Variants in MROH9 observed in about 807,000 individuals in gnomAD.
MROH9 encodes maestro heat-like repeat-containing protein family member 9.
Under a neutral mutation model 98.2 loss-of-function variants are expected in MROH9, and 92 were observed. The observed-to-expected ratio is 0.94, with a 90% CI of 0.79 to 1.11. The LOEUF (loss-of-function observed/expected upper bound fraction) is 1.11. MROH9 is among the 50% of genes most tolerant of loss of function. The probability of loss-of-function intolerance (pLI) is 0.00; values close to 1 mark genes in which losing one functional copy is unlikely to be tolerated. For missense variants in MROH9, 1,057 were observed against 1,014.8 expected (o/e 1.04, Z -0.57); for synonymous variants, 397 against 368.9 (o/e 1.08, Z -0.87).
intron 1 of MROH9, among the ~76,000 whole-genome samples, chr1:170,935,928 G>A (rs941754402): frequency 1.4e-5 from 2 of 141,556 alleles, no homozygotes; most frequent in Non-Finnish European, 3.0e-5. Flanking sequence ...GGAGGTGGAG[G>A]TTGCAGTGAG....
chr1:170,995,611 T>G (rs1651538426), intron 13 of MROH9, 80 bp downstream of exon 13: 2 of 1,495,714 alleles, frequency 1.3e-6, no homozygotes, highest in East Asian at 2.3e-5. Flanking sequence ...TGGGTTCATA[T>G]GGGATTCTTT....
At chr1:170,952,530 C>A (rs1172802849) in intron 3 of MROH9, among the ~76,000 whole-genome samples, 1 of 143,656 alleles carries the variant, frequency 7.0e-6, no homozygotes, top group Admixed American at 7.5e-5. Context: ...TGTTCTCACT[C>A]ATAGGTGGGA....
intron 20 of MROH9, among the ~76,000 whole-genome samples, chr1:171,044,993 T>TGAGA (rs1354202458): frequency 1.2e-4 from 6 of 49,574 alleles, no homozygotes; most frequent in African/African-American, 3.7e-4. Context: ...TTTTTTTTTT[T>TGAGA]TTTTTTTTTT....
chr1:171,021,141 C>T (rs1652503662), intron 17 of MROH9, among the ~76,000 whole-genome samples: 1 of 152,166 alleles, frequency 6.6e-6, no homozygotes, highest in South Asian at 2.1e-4. Flanking sequence ...ACATTCAATC[C>T]TCATGGATAA....
At chr1:171,050,831 G>C (rs901548590) in intron 20 of MROH9, among the ~76,000 whole-genome samples, 1 of 152,110 alleles carries the variant, frequency 6.6e-6, no homozygotes, top group African/African-American at 2.4e-5. Context: ...ATTATTTTGA[G>C]GTATGTTCCT....
intron 20 of MROH9, among the ~76,000 whole-genome samples, chr1:171,028,062 T>C (rs2101845739): frequency 6.6e-6 from 1 of 152,294 alleles, no homozygotes; most frequent in South Asian, 2.1e-4. Flanking sequence ...CAATTTTGGC[T>C]TTTGTTGCAA....
chr1:171,012,385 C>G (rs548283538), intron 15 of MROH9, among the ~76,000 whole-genome samples: 213 of 152,202 alleles, frequency 1.4e-3, no homozygotes, highest in African/African-American at 4.6e-3. Context: ...CCTCCTCTCT[C>G]ATTCAGTCTC....
At chr1:170,957,013 C>A (rs1414691632) in intron 3 of MROH9, among the ~76,000 whole-genome samples, 1 of 91,608 alleles carries the variant, frequency 1.1e-5, no homozygotes, top group Non-Finnish European at 2.4e-5. Flanking sequence ...ATTGGATTAT[C>A]TGCTTTTTTT....
chr1:171,043,773 T>G (rs1436616881), intron 20 of MROH9, among the ~76,000 whole-genome samples: 1 of 152,082 alleles, frequency 6.6e-6, no homozygotes, highest in East Asian at 1.9e-4. Flanking sequence ...TTTTTTCACA[T>G]TGTTCACTTG....
At chr1:171,016,034 A>T in intron 16 of MROH9, 129 bp from the exon 17 acceptor site, 1 of 485,276 alleles carries the variant, frequency 2.1e-6, no homozygotes. Flanking sequence ...TGAAAATTTG[A>T]CAAGAGATTT....
intron 17 of MROH9, 143 bp downstream of exon 17, chr1:171,016,479 A>G: frequency 1.7e-6 from 1 of 592,160 alleles, no homozygotes; most frequent in East Asian, 3.4e-5. Flanking sequence ...AATATTAGGT[A>G]AGTACTGGTC....
In MROH9 at chr1:170,989,904, G is replaced by A. The variant is rs780916786; in HGVS notation, c.929G>A (p.Cys310Tyr). Reference sequence around the variant, plus strand: ...TACAGGCAACTGTGTGATAACAATTGTATGAAGGATGTTATGTTGCAGGTT... The same window carrying A: ...TACAGGCAACTGTGTGATAACAATTATATGAAGGATGTTATGTTGCAGGTT... ...AIYRQLCDNN[C>Y]MKDVMLQVIT... The change falls in exon 11 of 22, where the codon TGT becomes TAT. Residue 310 changes from cysteine to tyrosine, a missense_variant. Coordinates refer to ENST00000367759, the MANE Select transcript of MROH9 (RefSeq NM_001163629.2). 5.0e-6 allele frequency: 8 copies of A among 1,612,616 alleles called. No individual in the cohort carries two copies. The highest frequency in any genetic ancestry group is 6.8e-6 in the Non-Finnish European group (8 of 1,179,010).
In MROH9 at chr1:170,958,523, C is replaced by A. The variant is rs1178914471; in HGVS notation, c.135C>A (p.Ile45=). Residue 45 remains isoleucine (I), a synonymous_variant, in exon 4 of 22, where the codon ATC becomes ATA. Coordinates refer to ENST00000367759, the MANE Select transcript of MROH9 (RefSeq NM_001163629.2). ...GCCTGTTAAGTAATGAATCCATGAT[C>A]CTGGCTGTGAACTCCAGGTATGATA... ...YSGLLSNESM[I]LAVNSSFVDP... 1.9e-6 allele frequency: 3 copies of A among 1,589,572 alleles called. No homozygotes were observed. Among genetic ancestry groups the A allele is most frequent in the African/African-American group, 1.3e-5 (1 of 74,318 alleles).
intron 11 of MROH9, among the ~76,000 whole-genome samples, chr1:170,991,078 G>T (rs1375981103): frequency 1.3e-5 from 2 of 152,066 alleles, no homozygotes; most frequent in East Asian, 3.9e-4. Context: ...TGAGGAGAGG[G>T]AATATACCCA....
At chr1:171,051,161 A>G (rs1343476273) in intron 20 of MROH9, among the ~76,000 whole-genome samples, 2 of 152,198 alleles carry the variant, frequency 1.3e-5, no homozygotes, top group Non-Finnish European at 2.9e-5. Context: ...TAGTTCAAAC[A>G]TTGTGTAAGA....
intron 8 of MROH9, among the ~76,000 whole-genome samples, chr1:170,979,841 C>G (rs1427653200): frequency 1.3e-5 from 2 of 152,234 alleles, no homozygotes; most frequent in Admixed American, 6.5e-5. Context: ...TAGAAAACCC[C>G]ATCATCTCAG....
At chr1:171,016,127 T>C in intron 16 of MROH9, 36 bp from the exon 17 acceptor site, 1 of 1,363,182 alleles carries the variant, frequency 7.3e-7, no homozygotes, top group Non-Finnish European at 9.6e-7. Flanking sequence ...CTCCTGCTAG[T>C]TCCTAAATCC....
At chr1:170,982,106 T>C (rs899959449) in intron 8 of MROH9, among the ~76,000 whole-genome samples, 6 of 152,112 alleles carry the variant, frequency 3.9e-5, no homozygotes, top group African/African-American at 1.4e-4. Context: ...CTGAGAGAAA[T>C]GAAAGCAATT....
intron 20 of MROH9, among the ~76,000 whole-genome samples, chr1:171,061,189 A>G (rs1557918725): frequency 6.6e-6 from 1 of 152,342 alleles, no homozygotes; most frequent in East Asian, 1.9e-4. Flanking sequence ...CAAACCCATG[A>G]GGATGACTGA....
Sources: allele counts gnomAD v4.1 joint callset (sites outside exome capture counted in the v4.1 genomes callset), GRCh38; gene constraint gnomAD v4.1.1; transcripts MANE v1.5; gene names NCBI Gene and HGNC (gene_info 2026-07-23, HGNC 2026-07-21).